Variants in AXIN2 observed in about 807,000 individuals in gnomAD.
AXIN2 encodes axin-2.
AXIN2 carries 21 observed loss-of-function variants against 74.7 expected under a neutral mutation model. The observed-to-expected ratio is 0.28, with a 90% confidence interval of 0.20 to 0.40. The LOEUF (loss-of-function observed/expected upper bound fraction) is 0.40. AXIN2 is among the 10% of genes least tolerant of loss of function. The probability of loss-of-function intolerance (pLI) is 1.00; values close to 1 mark genes in which losing one functional copy is unlikely to be tolerated. For synonymous variants in AXIN2, 532 were observed against 454.9 expected (o/e 1.17, Z -2.16); for missense variants, 1,144 against 1,111.1 (o/e 1.03, Z -0.42).
intron 3 of AXIN2, among the ~76,000 whole-genome samples, chr17:65,548,854 A>T (rs2144533611): frequency 6.6e-6 from 1 of 152,314 alleles, no homozygotes; most frequent in Admixed American, 6.5e-5. Context: ...TACTTTCAAA[A>T]ATCAAAGGCT....
At chr17:65,530,700 A>C (rs1598090676) in intron 10 of AXIN2, among the ~76,000 whole-genome samples, 1 of 152,198 alleles carries the variant, frequency 6.6e-6, no homozygotes, top group Non-Finnish European at 1.5e-5. Flanking sequence ...ACAGGAGGCA[A>C]GCCAGCCCAG....
chr17:65,543,691 T>C (rs1188133787), intron 3 of AXIN2, among the ~76,000 whole-genome samples: 1 of 152,204 alleles, frequency 6.6e-6, no homozygotes, highest in African/African-American at 2.4e-5. Flanking sequence ...TTCAATAAGA[T>C]GCCCTTCCCA....
chr17:65,541,715 G>C (rs1047901333), intron 3 of AXIN2, among the ~76,000 whole-genome samples, 158 bp from the exon 4 acceptor site: 2 of 152,180 alleles, frequency 1.3e-5, no homozygotes, highest in African/African-American at 4.8e-5. Flanking sequence ...GCTCCCACAG[G>C]GAAGGACCCA....
intron 3 of AXIN2, among the ~76,000 whole-genome samples, chr17:65,546,468 T>C (rs2044120939): frequency 6.6e-6 from 1 of 152,148 alleles, no homozygotes; most frequent in Admixed American, 6.5e-5. Flanking sequence ...CATCGCCAAG[T>C]CTGCTTGCAG....
rs748208644 is a variant in AXIN2, at chr17:65,533,907, C to T, written c.2405+5G>A. ...GAGAGCAGAAAAAAGCCACAGGACT[C>T]TTACCTATAATTTCCCTTTTTGCTG... is the stretch of plus-strand genomic sequence containing the variant. On this transcript the variant is annotated splice_donor_5th_base_variant and intron_variant, in intron 10 of 10. Transcript: ENST00000307078. The T allele has an allele frequency of 1.9e-6, 3 of 1,604,916 alleles. No homozygotes were observed. The East Asian group carries it at 6.8e-5, about 36-fold the overall frequency.
Position 65,528,677 on chromosome 17 carries a change from GA to G in AXIN2, c.*1298del, listed in dbSNP as rs751311338. On this transcript the variant is annotated 3_prime_UTR_variant, in exon 11 of 11. Coordinates refer to ENST00000307078, the MANE Select transcript of AXIN2 (RefSeq NM_004655.4). The stretch of plus-strand genomic sequence containing the variant: ...TAATGCATAATTTACAGTATAAGTA[GA>G]ACAAAATGTCATGACAAAAGTCATT... 3.7e-5 allele frequency: 19 copies of G among 515,286 alleles called. 1 individual carries two copies. The highest frequency in any genetic ancestry group is 3.4e-4 in the African/African-American group (18 of 52,406). 31.9% of individuals were successfully genotyped at this position (515,286 alleles called of 1,614,324 possible).
chr17:65,539,139 G>A (rs2044001123), intron 4 of AXIN2, among the ~76,000 whole-genome samples: 1 of 152,182 alleles, frequency 6.6e-6, no homozygotes, highest in African/African-American at 2.4e-5. Context: ...GAGAACCCCT[G>A]CTGCCCAGCT....
rs949197510 is a variant in AXIN2, at chr17:65,528,828, G to C, written c.*1148C>G. On this transcript the variant is annotated 3_prime_UTR_variant, in exon 11 of 11. Transcript: ENST00000307078. ...CGGAGCGGGTGACCGTGCAGGTACA[G>C]GTACTGTACTGATTTAAAGTCAAGC... 2.3e-6 allele frequency: 1 copy of C among 441,872 alleles called. No individual in the cohort carries two copies. The highest frequency in any genetic ancestry group is 3.8e-5 in the Admixed American group (1 of 26,338). The allele number at this position is 441,872 out of a possible 1,614,324, so 27.4% of individuals were successfully genotyped here.
intron 8 of AXIN2, among the ~76,000 whole-genome samples, chr17:65,536,034 A>ATT (rs2043907266): frequency 6.6e-6 from 1 of 152,172 alleles, no homozygotes; most frequent in Non-Finnish European, 1.5e-5. Context: ...CAATCAAGAC[A>ATT]TTTGTAAGGA....
rs139282444 is a variant in AXIN2, at chr17:65,547,179, TG to T, written c.956+2340del. Among the ~76,000 whole-genome samples the T allele has an allele frequency of 9.5e-3, 1,452 of 152,332 alleles. 23 individuals are homozygous for T. Among genetic ancestry groups the T allele is most frequent in the African/African-American group, 0.033 (1,359 of 41,574 alleles). ...AAGAAGAGGAAGTAAATGGGGAGGC[TG>T]CAGGGGAGAACTTAGAACCTGCTCC... On this transcript the variant is annotated intron_variant, in intron 3 of 10. Transcript: ENST00000307078.
intron 2 of AXIN2, among the ~76,000 whole-genome samples, chr17:65,551,791 T>C (rs2044197256): frequency 6.6e-6 from 1 of 152,228 alleles, no homozygotes; most frequent in Admixed American, 6.5e-5. Flanking sequence ...TAGCACCATG[T>C]GGGCCAAAGG....
intron 6 of AXIN2, 75 bp from the exon 7 acceptor site, chr17:65,537,138 A>T (rs891557995): frequency 1.3e-6 from 2 of 1,567,052 alleles, no homozygotes; most frequent in African/African-American, 2.7e-5. Flanking sequence ...CAGACAATTC[A>T]GCAAGTCGGG....
rs1450569717 is a variant in AXIN2 at position 65,537,666 on chromosome 17, A to G, written c.1370T>C (p.Val457Ala). The change falls in exon 6 of 11, where the codon GTA becomes GCA. Residue 457 changes from valine to alanine, a missense_variant. By Grantham distance (64) the Val-to-Ala change is moderately conservative. Transcript: ENST00000307078. ...GCGGGAGCGGGGGCTATAGCGGCCTACGCCTGGAGACTGGCAGCCAGGGGT... is the reference window on the plus strand; with the variant it reads ...GCGGGAGCGGGGGCTATAGCGGCCTGCGCCTGGAGACTGGCAGCCAGGGGT... ...LKTPGCQSPG[V>A]GRYSPRSRSP... 7 of 1,562,086 alleles carry G rather than the reference A, an allele frequency of 4.5e-6. No individual in the cohort carries two copies. The highest frequency in any genetic ancestry group is 6.1e-6 in the Non-Finnish European group (7 of 1,155,174).
Position 65,537,698 on chromosome 17 carries a change from G to A in AXIN2, c.1338C>T (p.Val446=), listed in dbSNP as rs369864600. 1.7e-5 allele frequency: 27 copies of A among 1,557,128 alleles called. No individual in the cohort carries two copies. Among genetic ancestry groups the A allele is most frequent in the East Asian group, 2.4e-5 (1 of 41,896 alleles). Residue 446 remains valine (V), a synonymous_variant, in exon 6 of 11, where the codon GTC becomes GTT. Transcript: ENST00000307078. Reference sequence around the variant, plus strand: ...GAGACTGGCAGCCAGGGGTCTTGAGGACCCTGGACAGGTGATCGTCCAGTA... The same window carrying A: ...GAGACTGGCAGCCAGGGGTCTTGAGAACCCTGGACAGGTGATCGTCCAGTA... ...QTILDDHLSR[V]LKTPGCQSPG... is the part of the protein sequence containing the mutation.
rs2144465684 is a variant in AXIN2 at position 65,537,701 on chromosome 17, C to T, written c.1335G>A (p.Arg445=). ...ACTGGCAGCCAGGGGTCTTGAGGAC[C>T]CTGGACAGGTGATCGTCCAGTATCG... is the stretch of plus-strand genomic sequence containing the variant. ...PQTILDDHLS[R]VLKTPGCQSP... is the part of the protein sequence containing the mutation. Residue 445 remains arginine, a synonymous_variant, in exon 6 of 11, where the codon AGG becomes AGA. Coordinates refer to ENST00000307078, the MANE Select transcript of AXIN2 (RefSeq NM_004655.4). 2 of 1,557,998 alleles carry T rather than the reference C, an allele frequency of 1.3e-6. No individual in the cohort carries two copies. The highest frequency in any genetic ancestry group is 1.7e-6 in the Non-Finnish European group (2 of 1,151,490).
chr17:65,557,146 T>C (rs994481444), intron 2 of AXIN2, among the ~76,000 whole-genome samples: 3 of 152,148 alleles, frequency 2.0e-5, no homozygotes, highest in Admixed American at 2.0e-4. Context: ...CTCGGACTCA[T>C]GAGCATTTAA....
At chr17:65,554,506 T>A (rs1171145899) in intron 2 of AXIN2, among the ~76,000 whole-genome samples, 4 of 152,250 alleles carry the variant, frequency 2.6e-5, no homozygotes, top group East Asian at 3.8e-4. Context: ...CAAGTGGATC[T>A]TAGCAAACTG....
intron 2 of AXIN2, among the ~76,000 whole-genome samples, chr17:65,553,566 A>C (rs925109352): frequency 6.6e-6 from 1 of 152,220 alleles, no homozygotes; most frequent in Admixed American, 6.5e-5. Context: ...GTTGTTTAAC[A>C]CATGGATCCC....
chr17:65,531,303 G>A (rs1314670134), intron 10 of AXIN2, among the ~76,000 whole-genome samples: 2 of 152,120 alleles, frequency 1.3e-5, no homozygotes, highest in African/African-American at 2.4e-5. Flanking sequence ...GTGAACAGCT[G>A]GGTTTAGTCA....
Sources: gnomAD v4.1 joint callset for allele counts (sites outside exome capture counted in the v4.1 genomes callset) on GRCh38, gnomAD v4.1.1 for gene constraint, MANE v1.5 for transcripts, NCBI Gene and HGNC (gene_info 2026-07-23, HGNC 2026-07-21) for gene names.